KCNJ15: variants seen among roughly 807,000 people sequenced by gnomAD.
The protein encoded by KCNJ15 is ATP-sensitive inward rectifier potassium channel 15.
A neutral mutation model predicts 23.0 loss-of-function variants in KCNJ15; 14 were observed. That is an observed-to-expected ratio of 0.61 (90% CI 0.40 to 0.95). KCNJ15 has a LOEUF of 0.95. Among genes scored for constraint, KCNJ15 ranks in the 40% least tolerant of loss-of-function variants. The pLI, the probability that KCNJ15 is intolerant of heterozygous loss-of-function variation, is 0.00. For synonymous variants in KCNJ15, 185 were observed against 183.2 expected, an observed-to-expected ratio of 1.01 and a Z score of -0.08; for missense variants, 388 against 461.8, an observed-to-expected ratio of 0.84 and a Z score of 1.46.
At chr21:38,274,294 T>C (rs1453072996) in intron 1 of KCNJ15, among the ~76,000 whole-genome samples, 1 of 152,232 alleles carries the variant, frequency 6.6e-6, no homozygotes, top group Non-Finnish European at 1.5e-5. Context: ...GCTAGCCAAG[T>C]TTGTTCCACA....
At chr21:38,271,611 A>G (rs1315462422) in intron 1 of KCNJ15, among the ~76,000 whole-genome samples, 2 of 152,170 alleles carry the variant, frequency 1.3e-5, no homozygotes, top group South Asian at 4.1e-4. Context: ...ATGTGGTCCT[A>G]TAAGGGGAAG....
chr21:38,254,702 C>G (rs1466254182), upstream of KCNJ15, among the ~76,000 whole-genome samples: 1 of 152,184 alleles, frequency 6.6e-6, no homozygotes, highest in East Asian at 1.9e-4. Flanking sequence ...ATTCATCGCT[C>G]TGTAGCTGTG....
rs1979825718 is a variant in KCNJ15, at chr21:38,251,427, T to G, written c.-398-5619T>G. Among the ~76,000 whole-genome samples, 5 of 152,350 alleles carry G rather than the reference T, an allele frequency of 3.3e-5. No individual in the cohort carries two copies. The South Asian group carries it at 6.2e-4, about 19-fold the overall frequency. ...TGGTTGTTTCACAGTTTCTCAATTC[T>G]GAAGCCATGCTGCTGATAGGGACCT... is the stretch of plus-strand genomic sequence containing the variant. On this transcript the variant is annotated intron_variant, in intron 1 of 4. Coordinates refer to the KCNJ15 transcript ENST00000547341.
chr21:38,285,628 C>T (rs565600535), intron 1 of KCNJ15: 1 of 152,302 alleles, frequency 6.6e-6, no homozygotes, highest in East Asian at 1.9e-4. Flanking sequence ...AATGAAGAAC[C>T]TTCAGGAAGG....
chr21:38,231,903 C>T (rs916797958), intron 1 of KCNJ15, among the ~76,000 whole-genome samples: 3 of 151,570 alleles, frequency 2.0e-5, no homozygotes, highest in African/African-American at 7.3e-5. Flanking sequence ...TGTTTATATT[C>T]GTAATAGATG....
intron 1 of KCNJ15, among the ~76,000 whole-genome samples, chr21:38,270,773 G>A (rs1601186560): frequency 1.3e-5 from 2 of 152,318 alleles, no homozygotes; most frequent in South Asian, 4.1e-4. Context: ...CCAGAGCAGT[G>A]TATTTATGGC....
At chr21:38,287,783 A>G (rs1273811697) in intron 1 of KCNJ15, among the ~76,000 whole-genome samples, 1 of 152,152 alleles carries the variant, frequency 6.6e-6, no homozygotes, top group Non-Finnish European at 1.5e-5. Context: ...ATTGAATGTG[A>G]AGATATTTTT....
intron 1 of KCNJ15, among the ~76,000 whole-genome samples, chr21:38,290,035 G>A (rs1333929548): frequency 3.3e-5 from 5 of 152,214 alleles, no homozygotes; most frequent in African/African-American, 9.6e-5. Context: ...AATGTTCAGC[G>A]GAGGTTGGTC....
At chr21:38,260,960 C>T (rs546284139) in intron 1 of KCNJ15, among the ~76,000 whole-genome samples, 1 of 152,098 alleles carries the variant, frequency 6.6e-6, no homozygotes, top group Non-Finnish European at 1.5e-5. Flanking sequence ...CCACTCATTC[C>T]CTCATTCAGA....
intron 1 of KCNJ15, among the ~76,000 whole-genome samples, chr21:38,287,262 C>G (rs1371290001): frequency 2.0e-5 from 3 of 152,224 alleles, no homozygotes; most frequent in Non-Finnish European, 4.4e-5. Context: ...GCTGCACCCC[C>G]ATCCCGCAGT....
chr21:38,254,778 A>G (rs901689430), upstream of KCNJ15, among the ~76,000 whole-genome samples: 25 of 152,158 alleles, frequency 1.6e-4, no homozygotes, highest in African/African-American at 6.0e-4. Context: ...ACAACTAATC[A>G]TGCCTACATT....
At chr21:38,233,298 C>T (rs1318146281) in intron 1 of KCNJ15, among the ~76,000 whole-genome samples, 1 of 152,054 alleles carries the variant, frequency 6.6e-6, no homozygotes, top group Non-Finnish European at 1.5e-5. Context: ...AGTGGCACGA[C>T]ATATCTTTTT....
chr21:38,304,707 G>A lies in KCNJ15; in HGVS notation c.*4318G>A, dbSNP rs796741571. 45 of 99,332 alleles carry A rather than the reference G, an allele frequency of 4.5e-4. No individual in the cohort carries two copies. The highest frequency in any genetic ancestry group is 1.3e-3 in the African/African-American group (38 of 28,532). 6.2% of individuals were successfully genotyped at this position (99,332 alleles called of 1,614,324 possible). ...TTTTTTTTTTTTGATACTGGGTCTC[G>A]CTCTGTCGCCCAGGCTGCTAGAGTG... On this transcript the variant is annotated 3_prime_UTR_variant, in exon 3 of 3. Coordinates refer to ENST00000398938, the MANE Select transcript of KCNJ15 (RefSeq NM_170736.3).
chr21:38,256,172 C>T (rs1004802696), upstream of KCNJ15, among the ~76,000 whole-genome samples: 5 of 151,810 alleles, frequency 3.3e-5, no homozygotes, highest in Non-Finnish European at 5.9e-5. Flanking sequence ...ACCCCATTCC[C>T]GAAAGAAGCT....
intron 1 of KCNJ15, among the ~76,000 whole-genome samples, chr21:38,271,812 G>A (rs1357953288): frequency 3.3e-5 from 5 of 152,144 alleles, no homozygotes; most frequent in African/African-American, 9.7e-5. Context: ...GGAAGAAAAC[G>A]CCCATAGAAA....
chr21:38,288,768 A>G (rs1215939504), intron 1 of KCNJ15, among the ~76,000 whole-genome samples: 2 of 152,214 alleles, frequency 1.3e-5, no homozygotes, highest in Non-Finnish European at 2.9e-5. Context: ...GATATGGCAT[A>G]AAAAGGCATG....
chr21:38,289,163 C>T (rs1379460894), intron 1 of KCNJ15, among the ~76,000 whole-genome samples: 1 of 143,742 alleles, frequency 7.0e-6, no homozygotes, highest in Non-Finnish European at 1.5e-5. Flanking sequence ...CACCATTGCA[C>T]TCTCCAGCCT....
intron 1 of KCNJ15, among the ~76,000 whole-genome samples, chr21:38,276,238 A>G (rs1393676117): frequency 6.6e-6 from 1 of 152,062 alleles, no homozygotes; most frequent in Non-Finnish European, 1.5e-5. Context: ...ACGTATTTCA[A>G]AGACCACAGT....
intron 1 of KCNJ15, among the ~76,000 whole-genome samples, chr21:38,280,783 A>G (rs1366349811): frequency 1.3e-5 from 2 of 152,152 alleles, no homozygotes; most frequent in Non-Finnish European, 2.9e-5. Flanking sequence ...AAGTCCAGCA[A>G]GCTCCTCAGT....
Sources: allele counts gnomAD v4.1 joint callset (sites outside exome capture counted in the v4.1 genomes callset), GRCh38; gene constraint gnomAD v4.1.1; transcripts MANE v1.5; gene names NCBI Gene and HGNC (gene_info 2026-07-23, HGNC 2026-07-21).